CTNNA2: variants seen among roughly 807,000 people sequenced by gnomAD.
CTNNA2 encodes catenin alpha-2.
A neutral mutation model predicts 101.0 loss-of-function variants in CTNNA2; 42 were observed. The ratio of observed to expected loss-of-function variants is 0.42; its 90% CI spans 0.32 to 0.54. The LOEUF (loss-of-function observed/expected upper bound fraction) is 0.54. CTNNA2 is among the 20% of genes least tolerant of loss of function. The probability of loss-of-function intolerance (pLI) is 0.14; values close to 1 mark genes in which losing one functional copy is unlikely to be tolerated. For missense variants in CTNNA2, 871 were observed against 1,223.1 expected (o/e 0.71, Z 4.29); for synonymous variants, 450 against 456.4 (o/e 0.99, Z 0.18).
At chr2:79,196,083 C>T (rs1412192473) in intron 1 of CTNNA2, among the ~76,000 whole-genome samples, 3 of 152,008 alleles carry the variant, frequency 2.0e-5, no homozygotes, top group South Asian at 4.1e-4. Context: ...ATTACAGGCA[C>T]GAGCCCCCAT....
chr2:79,955,939 A>G (rs1214702035), intron 7 of CTNNA2, among the ~76,000 whole-genome samples: 1 of 152,242 alleles, frequency 6.6e-6, no homozygotes, highest in Non-Finnish European at 1.5e-5. Flanking sequence ...GACAATGCTT[A>G]CATACCAGGT....
intron 12 of CTNNA2, among the ~76,000 whole-genome samples, chr2:80,564,856 T>A (rs3770318): frequency 0.27 from 40,587 of 152,108 alleles, 6,497 homozygotes; most frequent in East Asian, 0.4. Context: ...TGCTCCTGGA[T>A]TCCAATTTTC....
chr2:79,856,860 C>T (rs1310150659), intron 3 of CTNNA2, among the ~76,000 whole-genome samples: 1 of 152,202 alleles, frequency 6.6e-6, no homozygotes, highest in Non-Finnish European at 1.5e-5. Context: ...CACCACTGCT[C>T]TCTCAGACTA....
chr2:79,756,106 A>G (rs1308892878), intron 3 of CTNNA2, among the ~76,000 whole-genome samples: 1 of 151,446 alleles, frequency 6.6e-6, no homozygotes, highest in African/African-American at 2.4e-5. Flanking sequence ...TGTGGCTTTT[A>G]TTGCAAGACA....
At chr2:79,467,695 A>G (rs1018069517) in intron 4 of CTNNA2, among the ~76,000 whole-genome samples, 6 of 152,222 alleles carry the variant, frequency 3.9e-5, no homozygotes, top group Non-Finnish European at 8.8e-5. Flanking sequence ...GAAATTCTAC[A>G]AGCCAGAAGA....
At chr2:80,017,694 C>T (rs1421070795) in intron 7 of CTNNA2, among the ~76,000 whole-genome samples, 1 of 152,044 alleles carries the variant, frequency 6.6e-6, no homozygotes, top group East Asian at 1.9e-4. Context: ...ATCCTTGTCT[C>T]GGAAGGCCTG....
At chr2:80,280,053 C>T (rs79578238) in intron 7 of CTNNA2, among the ~76,000 whole-genome samples, 1 of 151,958 alleles carries the variant, frequency 6.6e-6, no homozygotes, top group East Asian at 2.0e-4. Flanking sequence ...ATGCTAAGGT[C>T]AGGGCCTCCG....
chr2:79,461,158 T>C (rs748082185), intron 4 of CTNNA2, among the ~76,000 whole-genome samples: 17 of 152,200 alleles, frequency 1.1e-4, no homozygotes, highest in Non-Finnish European at 2.2e-4. Context: ...CAGTAATTTT[T>C]ATCTACAATG....
chr2:80,606,379 C>T lies in CTNNA2; in HGVS notation c.2296-1805C>T, dbSNP rs185390180. On this transcript the variant is annotated intron_variant, in intron 16 of 18. Coordinates refer to ENST00000402739, the MANE Select transcript of CTNNA2 (RefSeq NM_001282597.3). Reference sequence around the variant, plus strand: ...GAAAAACACATCAAACACACACACACACACACACACACACACACACACACA... The same window carrying T: ...GAAAAACACATCAAACACACACACATACACACACACACACACACACACACA... Among the ~76,000 whole-genome samples the T allele has an allele frequency of 2.3e-3, 242 of 105,274 alleles. 3 individuals are homozygous for T. Among genetic ancestry groups the T allele is most frequent in the African/African-American group, 9.0e-3 (212 of 23,606 alleles). 69.1% of individuals were successfully genotyped at this position (105,274 alleles called of 152,430 possible).
chr2:79,536,955 G>C (rs1477856380), intron 1 of CTNNA2, among the ~76,000 whole-genome samples: 1 of 152,020 alleles, frequency 6.6e-6, no homozygotes, highest in African/African-American at 2.4e-5. Context: ...GCCCACCTCC[G>C]CCTCCCCATG....
chr2:80,407,521 G>A (rs928008689), intron 8 of CTNNA2, among the ~76,000 whole-genome samples: 17 of 152,150 alleles, frequency 1.1e-4, no homozygotes, highest in Non-Finnish European at 1.8e-4. Context: ...GCAGACTTGC[G>A]TAGTCATGAC....
chr2:79,598,220 ATC>A, intron 1 of CTNNA2, among the ~76,000 whole-genome samples: 1 of 152,388 alleles, frequency 6.6e-6, no homozygotes, highest in African/African-American at 2.4e-5. Flanking sequence ...AATGAAGGAC[ATC>A]TTGGTTACAT....
At chr2:79,566,960 G>A (rs886618702) in intron 1 of CTNNA2, among the ~76,000 whole-genome samples, 1 of 152,166 alleles carries the variant, frequency 6.6e-6, no homozygotes, top group Middle Eastern at 3.4e-3. Flanking sequence ...AATATCAAAT[G>A]TTCAACGTTG....
intron 3 of CTNNA2, among the ~76,000 whole-genome samples, chr2:79,812,820 A>T (rs1314350890): frequency 6.6e-6 from 1 of 152,098 alleles, no homozygotes; most frequent in East Asian, 1.9e-4. Flanking sequence ...CCTCCCCAAG[A>T]GTTACCTTCT....
intron 3 of CTNNA2, among the ~76,000 whole-genome samples, chr2:79,314,467 T>TA (rs943241661): frequency 7.9e-5 from 12 of 151,924 alleles, no homozygotes; most frequent in Admixed American, 5.2e-4. Flanking sequence ...TAAACAGCAA[T>TA]AAAAAAAATT....
intron 4 of CTNNA2, among the ~76,000 whole-genome samples, chr2:79,404,735 A>C (rs752435060): frequency 4.6e-5 from 7 of 152,022 alleles, no homozygotes; most frequent in Non-Finnish European, 1.0e-4. Context: ...GAATCTGATA[A>C]TCTAGTGGAA....
chr2:79,702,882 G>T (rs750517938), intron 2 of CTNNA2, among the ~76,000 whole-genome samples: 1 of 152,170 alleles, frequency 6.6e-6, no homozygotes, highest in African/African-American at 2.4e-5. Context: ...CTGTGGGCTT[G>T]ATTGTGATGT....
chr2:79,651,751 A>G (rs528822540), intron 2 of CTNNA2, 93 bp downstream of exon 2: 4 of 1,032,994 alleles, frequency 3.9e-6, no homozygotes, highest in African/African-American at 3.2e-5. Flanking sequence ...CTTAAAAGAG[A>G]ATAAATCATG....
Position 80,608,511 on chromosome 2 carries a change from C to A in CTNNA2, c.2430+193C>A, listed in dbSNP as rs986420661. 34 of 480,102 alleles carry A rather than the reference C, an allele frequency of 7.1e-5. 1 individual carries two copies. Among genetic ancestry groups the A allele is most frequent in the Admixed American group, 3.4e-4 (9 of 26,704 alleles). 29.7% of individuals were successfully genotyped at this position (480,102 alleles called of 1,614,324 possible). A position where few individuals can be genotyped will look rare whatever the true frequency, so the allele number is the denominator to read the frequency against. On this transcript the variant is annotated intron_variant, in intron 17 of 18. Transcript: ENST00000402739. ...AAGAGCAATTTGATTTTCCAATTAC[C>A]CTGTGTTTATTCTAGCCTTGTAAAA...
Sources: gnomAD v4.1 joint callset for allele counts (sites outside exome capture counted in the v4.1 genomes callset) on GRCh38, gnomAD v4.1.1 for gene constraint, MANE v1.5 for transcripts, NCBI Gene and HGNC (gene_info 2026-07-23, HGNC 2026-07-21) for gene names.